The following UNKL variants were observed in gnomAD, a reference collection of about 807,000 sequenced individuals.
UNKL encodes the protein putative E3 ubiquitin-protein ligase UNKL.
Under a neutral mutation model 78.0 loss-of-function variants are expected in UNKL, and 60 were observed. The ratio of observed to expected loss-of-function variants is 0.77; its 90% CI spans 0.63 to 0.95. UNKL has a LOEUF of 0.95. UNKL is among the 40% of genes least tolerant of loss of function. The probability of loss-of-function intolerance (pLI) is 0.00; values close to 1 mark genes in which losing one functional copy is unlikely to be tolerated. For synonymous variants in UNKL, 608 were observed against 474.8 expected (o/e 1.28, Z -3.65); for missense variants, 1,159 against 1,045.7 (o/e 1.11, Z -1.49).
At chr16:1,376,067 CCCTCCTCCCTCCAGGGCTGGGGCGCT>C (rs1293487482) in intron 10 of UNKL, among the ~76,000 whole-genome samples, 3 of 151,792 alleles carry the variant, frequency 2.0e-5, no homozygotes, top group East Asian at 3.9e-4. Flanking sequence ...AGGGCCTCTT[CCCTCCTCCCTCCAGGGCTGGGGCGCT>C]CCTCCTCCCT....
At chr16:1,385,049 A>C (rs1304390189) in intron 10 of UNKL, among the ~76,000 whole-genome samples, 159 bp downstream of exon 10, 2 of 152,244 alleles carry the variant, frequency 1.3e-5, no homozygotes, top group Non-Finnish European at 2.9e-5. Context: ...CCACACGTGC[A>C]ACACAACCAA....
intron 8 of UNKL, 76 bp downstream of exon 8, chr16:1,392,814 CA>C: frequency 6.7e-7 from 1 of 1,499,592 alleles, no homozygotes; most frequent in Non-Finnish European, 9.1e-7. Flanking sequence ...GCTGAAAACT[CA>C]TATCCATCCA....
intron 2 of UNKL, among the ~76,000 whole-genome samples, chr16:1,411,631 C>A (rs1230115430): frequency 6.6e-6 from 1 of 152,128 alleles, no homozygotes; most frequent in African/African-American, 2.4e-5. Context: ...TCAAGACCAG[C>A]CTGACCAACA....
At position 1,403,389 on chromosome 16, in the gene UNKL, G is replaced by C. The variant is rs746276652; in HGVS notation, c.288-45C>G. On this transcript the variant is annotated intron_variant, in intron 2 of 14. Coordinates refer to ENST00000389221, the MANE Select transcript of UNKL (RefSeq NM_001372107.1). This position sits in a 1 kb window ranked among gnomAD's most constrained non-coding sequence, Gnocchi z 4.8. ...GCAATGCCTGGTTATCATGGACCCA[G>C]AGGCAGCCCTAAGCTCCCTGGGTCC... 1.3e-6 allele frequency: 2 copies of C among 1,584,602 alleles called. No homozygotes were observed. The highest frequency in any genetic ancestry group is 1.7e-6 in the Non-Finnish European group (2 of 1,166,410).
chr16:1,392,597 GTTAAT>G (rs1329850578), intron 8 of UNKL, among the ~76,000 whole-genome samples: 1 of 152,094 alleles, frequency 6.6e-6, no homozygotes, highest in East Asian at 1.9e-4. Context: ...ACCACACCTG[GTTAAT>G]TTTTGTATTT....
chr16:1,363,295 A>T lies in UNKL; in HGVS notation c.*2945T>A. 1.7e-6 allele frequency: 1 copy of T among 596,486 alleles called. No homozygotes were observed. The highest frequency in any genetic ancestry group is 1.9e-5 in the South Asian group (1 of 53,034). The allele number at this position is 596,486 out of a possible 1,614,324, so 36.9% of individuals were successfully genotyped here. ...TGCATAAATGCTATAGTGTAAAAAAATTTAAACAAGTGTTAACTTTAAACA... is the reference window on the plus strand; with the variant it reads ...TGCATAAATGCTATAGTGTAAAAAATTTTAAACAAGTGTTAACTTTAAACA... On this transcript the variant is annotated 3_prime_UTR_variant, in exon 15 of 15. Coordinates refer to ENST00000389221, the MANE Select transcript of UNKL (RefSeq NM_001372107.1).
intron 2 of UNKL, among the ~76,000 whole-genome samples, chr16:1,404,744 C>T (rs1019361346): frequency 6.6e-5 from 10 of 152,198 alleles, no homozygotes; most frequent in African/African-American, 2.2e-4. Flanking sequence ...ATAAGGAAAG[C>T]GCGGGCTTCC....
At chr16:1,383,170 G>T (rs370997300) in intron 10 of UNKL, among the ~76,000 whole-genome samples, 8 of 150,854 alleles carry the variant, frequency 5.3e-5, no homozygotes, top group African/African-American at 1.9e-4. Flanking sequence ...TACTCTGGAG[G>T]CTGAGACAGG....
chr16:1,406,212 T>A, intron 2 of UNKL: 1 of 280,946 alleles, frequency 3.6e-6, no homozygotes, highest in Non-Finnish European at 6.5e-6. Context: ...CCGGGCTATA[T>A]TGCTAATTTT....
chr16:1,405,734 C>A (rs1485984332), intron 2 of UNKL, among the ~76,000 whole-genome samples: 1 of 151,904 alleles, frequency 6.6e-6, no homozygotes, highest in Non-Finnish European at 1.5e-5. Context: ...GTGACAAACA[C>A]GGTTCTCAAA....
At chr16:1,411,502 A>G (rs1445574725) in intron 2 of UNKL, among the ~76,000 whole-genome samples, 1 of 152,166 alleles carries the variant, frequency 6.6e-6, no homozygotes, top group East Asian at 1.9e-4. Flanking sequence ...CCTGCACTCC[A>G]GCCCAGGGCA....
At position 1,385,231 on chromosome 16, in the gene UNKL, C is replaced by A. The variant is rs1419508013; in HGVS notation, c.1241G>T (p.Ser414Ile). The A allele has an allele frequency of 1.0e-5, 13 of 1,297,490 alleles. No homozygotes were observed. The highest frequency in any genetic ancestry group is 4.6e-5 in the South Asian group (2 of 43,916). 80.4% of individuals were successfully genotyped at this position (1,297,490 alleles called of 1,614,324 possible). A position where few individuals can be genotyped will look rare whatever the true frequency, so the allele number is the denominator to read the frequency against. Residue 414 changes from serine (S) to isoleucine (I), a missense_variant, in exon 10 of 15, where the codon AGC becomes ATC. Coordinates refer to ENST00000389221, the MANE Select transcript of UNKL (RefSeq NM_001372107.1). ...PARALPLGPA[S>I]STVEAVLGSA... ...ACCGAGGACGGCCTCCACAGTGCTG[C>A]TGGCGGGGCCGAGCGGGAGGGCACG...
At chr16:1,398,608 G>T in intron 5 of UNKL, 1 of 1,424,326 alleles carries the variant, frequency 7.0e-7, no homozygotes, top group East Asian at 2.6e-5. Context: ...CTCAAAGGAA[G>T]AGCTGGACAC....
At chr16:1,385,174 G>A in intron 10 of UNKL, 34 bp downstream of exon 10, 1 of 1,242,912 alleles carries the variant, frequency 8.0e-7, no homozygotes, top group Non-Finnish European at 1.0e-6. Context: ...CACAGAAGGA[G>A]GTCAGGGAGA....
intron 2 of UNKL, chr16:1,406,218 A>T (rs1231440796): frequency 1.0e-5 from 3 of 294,962 alleles, no homozygotes; most frequent in Non-Finnish European, 2.0e-5. Flanking sequence ...TATATTGCTA[A>T]TTTTTTTTTT....
intron 14 of UNKL, among the ~76,000 whole-genome samples, chr16:1,366,705 C>A (rs2035286182): frequency 6.6e-6 from 1 of 152,216 alleles, no homozygotes; most frequent in Non-Finnish European, 1.5e-5. Flanking sequence ...CTACGCAGGA[C>A]CCTCTGTCCT....
chr16:1,384,222 C>T (rs1349591667), intron 10 of UNKL, among the ~76,000 whole-genome samples: 3 of 150,716 alleles, frequency 2.0e-5, no homozygotes, highest in African/African-American at 4.9e-5. Context: ...CACCCCAACA[C>T]GGTGGGTGTC....
chr16:1,383,421 C>A, intron 10 of UNKL: 1 of 183,624 alleles, frequency 5.4e-6, no homozygotes, highest in South Asian at 1.1e-4. Context: ...AGAAGATGCA[C>A]CTGGTTGCAG....
rs1271741107 is a variant in UNKL at position 1,395,771 on chromosome 16, G to A, written c.852+1407C>T. 1.1e-5 allele frequency: 5 copies of A among 456,622 alleles called. No individual in the cohort carries two copies. In the Admixed American group the frequency reaches 1.2e-4, roughly 11 times the overall value. The allele number at this position is 456,622 out of a possible 1,614,324, so 28.3% of individuals were successfully genotyped here. On this transcript the variant is annotated intron_variant, in intron 6 of 14. Transcript: ENST00000389221. ...GGTCTGCAACCAGGCCTGCGTGACT[G>A]AACACAGAAAACGCCCCGGACACCG...
Sources: gnomAD v4.1 joint callset for allele counts (sites outside exome capture counted in the v4.1 genomes callset) on GRCh38, gnomAD v4.1.1 for gene constraint, Gnocchi (gnomAD v3.1) non-coding constraint, MANE v1.5 for transcripts, NCBI Gene and HGNC (gene_info 2026-07-23, HGNC 2026-07-21) for gene names.